Variants in VGLL4 observed in about 807,000 individuals in gnomAD.
VGLL4 encodes transcription cofactor vestigial-like protein 4.
A neutral mutation model predicts 21.0 loss-of-function variants in VGLL4; 7 were observed. The observed-to-expected ratio is 0.33, with a 90% CI of 0.19 to 0.63. The LOEUF (loss-of-function observed/expected upper bound fraction) is 0.63, where lower values mean the gene tolerates loss of function less well. Ranked by LOEUF, VGLL4 falls within the 20% of genes least tolerant of loss-of-function variation. The pLI, the probability that VGLL4 is intolerant of heterozygous loss-of-function variation, is 0.78. For synonymous variants in VGLL4, 222 were observed against 173.2 expected (o/e 1.28, Z -2.21); for missense variants, 394 against 425.7 (o/e 0.93, Z 0.66).
chr3:11,679,405 C>T (rs2076339176), intron 2 of VGLL4, among the ~76,000 whole-genome samples: 1 of 152,040 alleles, frequency 6.6e-6, no homozygotes, highest in South Asian at 2.1e-4. Flanking sequence ...GTTTACAGAG[C>T]TGGGCGCGGT....
At chr3:11,569,261 T>G (rs1440665809) in intron 2 of VGLL4, among the ~76,000 whole-genome samples, 1 of 152,202 alleles carries the variant, frequency 6.6e-6, no homozygotes, top group Non-Finnish European at 1.5e-5. Context: ...CACCGTGGAC[T>G]GCCACAAGCT....
chr3:11,619,334 T>C (rs1264948072), intron 1 of VGLL4, among the ~76,000 whole-genome samples: 2 of 152,234 alleles, frequency 1.3e-5, no homozygotes, highest in Admixed American at 6.5e-5. Context: ...TTAAATGCTT[T>C]CCTACTGGAT....
intron 2 of VGLL4, among the ~76,000 whole-genome samples, chr3:11,650,181 C>T (rs957456847): frequency 3.9e-5 from 6 of 152,116 alleles, no homozygotes; most frequent in Non-Finnish European, 7.4e-5. Flanking sequence ...GCCATCCACC[C>T]GCCTCGGTCT....
At chr3:11,582,418 C>A in intron 2 of VGLL4, 1 of 1,527,392 alleles carries the variant, frequency 6.5e-7, no homozygotes, top group Non-Finnish European at 8.8e-7. Flanking sequence ...GAATAAAAGT[C>A]CTCCCTGAAA....
At chr3:11,704,187 C>A (rs2076724396) in intron 1 of VGLL4, among the ~76,000 whole-genome samples, 1 of 151,918 alleles carries the variant, frequency 6.6e-6, no homozygotes, top group African/African-American at 2.4e-5. Flanking sequence ...TTGAGACCAG[C>A]CTGAACAACA....
intron 2 of VGLL4, among the ~76,000 whole-genome samples, chr3:11,591,873 T>C (rs2074507158): frequency 6.6e-6 from 1 of 152,204 alleles, no homozygotes; most frequent in Non-Finnish European, 1.5e-5. Context: ...CTGACATACA[T>C]GGGGCAAAGT....
At chr3:11,625,795 A>G (rs1445756716) in intron 1 of VGLL4, among the ~76,000 whole-genome samples, 3 of 152,198 alleles carry the variant, frequency 2.0e-5, no homozygotes, top group African/African-American at 4.8e-5. Context: ...ATGAAGTAAC[A>G]AAAGACCAAA....
chr3:11,681,160 C>T (rs932941646), intron 2 of VGLL4, among the ~76,000 whole-genome samples: 2 of 152,176 alleles, frequency 1.3e-5, no homozygotes, highest in African/African-American at 2.4e-5. Context: ...TGCAGTGGCG[C>T]GATCTCCGCT....
At chr3:11,608,152 T>A (rs1036055996) in intron 1 of VGLL4, among the ~76,000 whole-genome samples, 4 of 152,180 alleles carry the variant, frequency 2.6e-5, no homozygotes, top group African/African-American at 9.7e-5. Context: ...TTTTCAAGAA[T>A]AAACAGAAGG....
chr3:11,689,847 G>T (rs1200581180), intron 2 of VGLL4, among the ~76,000 whole-genome samples: 1 of 152,204 alleles, frequency 6.6e-6, no homozygotes, highest in East Asian at 1.9e-4. Context: ...GAGGCAGAGT[G>T]GGGGACAAAC....
intron 2 of VGLL4, among the ~76,000 whole-genome samples, chr3:11,577,554 C>G (rs1306510940): frequency 1.3e-5 from 2 of 152,214 alleles, no homozygotes; most frequent in Non-Finnish European, 2.9e-5. Flanking sequence ...GATCATGCCA[C>G]TGCACTCCAG....
chr3:11,643,094 T>C (rs894915291), intron 1 of VGLL4, among the ~76,000 whole-genome samples: 4 of 152,190 alleles, frequency 2.6e-5, no homozygotes, highest in Middle Eastern at 3.2e-3. Context: ...GCTCAACTTT[T>C]ACCGGCGTCC....
intron 2 of VGLL4, among the ~76,000 whole-genome samples, chr3:11,676,410 AT>A (rs1457553502): frequency 0.027 from 881 of 32,234 alleles, 12 homozygotes; most frequent in African/African-American, 0.061. Context: ...AAAAAAAAAA[AT>A]AAAATAATAA....
chr3:11,561,320 C>T (rs2072977912), intron 3 of VGLL4, among the ~76,000 whole-genome samples: 1 of 151,994 alleles, frequency 6.6e-6, no homozygotes, highest in Non-Finnish European at 1.5e-5. Flanking sequence ...GCAGGAAAGG[C>T]CACTTCAGAA....
intron 2 of VGLL4, among the ~76,000 whole-genome samples, chr3:11,581,120 G>A (rs560844717): frequency 6.7e-6 from 1 of 149,016 alleles, no homozygotes; most frequent in African/African-American, 2.5e-5. Context: ...TGGCTGGCAT[G>A]CAGTGGCACG....
chr3:11,695,142 C>T (rs1575538655), intron 2 of VGLL4, among the ~76,000 whole-genome samples: 3 of 151,606 alleles, frequency 2.0e-5, no homozygotes, highest in Non-Finnish European at 2.9e-5. Flanking sequence ...CCTCTGCCTC[C>T]CAGGTTCAAG....
chr3:11,584,527 G>A (rs902225977), intron 2 of VGLL4, among the ~76,000 whole-genome samples: 6 of 152,208 alleles, frequency 3.9e-5, no homozygotes, highest in South Asian at 2.1e-4. Flanking sequence ...ACACACCAGC[G>A]AAAACAGACA....
At chr3:11,697,704 G>A (rs2076624697) in intron 2 of VGLL4, among the ~76,000 whole-genome samples, 1 of 152,164 alleles carries the variant, frequency 6.6e-6, no homozygotes, top group African/African-American at 2.4e-5. Context: ...GTAGACTACA[G>A]CCTAGAAATA....
intron 2 of VGLL4, among the ~76,000 whole-genome samples, chr3:11,694,488 G>C (rs2076576777): frequency 6.6e-6 from 1 of 151,546 alleles, no homozygotes; most frequent in Non-Finnish European, 1.5e-5. Flanking sequence ...TGGGCATGGT[G>C]GCCAGTGCCT....
Sources: gnomAD v4.1 joint callset for allele counts (sites outside exome capture counted in the v4.1 genomes callset) on GRCh38, gnomAD v4.1.1 for gene constraint, MANE v1.5 for transcripts, NCBI Gene and HGNC (gene_info 2026-07-23, HGNC 2026-07-21) for gene names.